The following DACH1 variants were observed in gnomAD, a reference collection of about 807,000 sequenced individuals.
The protein encoded by DACH1 is dachshund homolog 1.
DACH1 carries 12 observed loss-of-function variants against 54.2 expected under a neutral mutation model. The ratio of observed to expected loss-of-function variants is 0.22; its 90% confidence interval spans 0.14 to 0.36. DACH1 has a LOEUF of 0.36. Ranked by LOEUF, DACH1 falls within the 10% of genes least tolerant of loss-of-function variation. DACH1 has a pLI of 1.00. For synonymous variants in DACH1, 386 were observed against 366.2 expected (o/e 1.05, Z -0.62); for missense variants, 805 against 929.8 (o/e 0.87, Z 1.75).
chr13:71,477,080 T>TATATATATATATATATA (rs375310936), intron 8 of DACH1, among the ~76,000 whole-genome samples: 1 of 46,254 alleles, frequency 2.2e-5, no homozygotes, highest in African/African-American at 7.0e-5. Flanking sequence ...GTTTTTATTA[T>TATATATATATATATATA]TATATATATA....
At chr13:71,791,289 T>C (rs1886819870) in intron 1 of DACH1, among the ~76,000 whole-genome samples, 1 of 152,212 alleles carries the variant, frequency 6.6e-6, no homozygotes, top group African/African-American at 2.4e-5. Flanking sequence ...TGAAGAAATA[T>C]TATCTTCTGA....
chr13:71,857,642 A>T (rs1432487204), intron 1 of DACH1, among the ~76,000 whole-genome samples: 3 of 151,792 alleles, frequency 2.0e-5, no homozygotes, highest in African/African-American at 7.2e-5. Context: ...TGTTGCACAC[A>T]CAAGAACATT....
At chr13:71,619,953 G>A (rs1876095623) in intron 3 of DACH1, among the ~76,000 whole-genome samples, 1 of 151,860 alleles carries the variant, frequency 6.6e-6, no homozygotes, top group Non-Finnish European at 1.5e-5. Flanking sequence ...GACAGTGGCA[G>A]GTATGTGAAA....
At position 71,627,503 on chromosome 13, in the gene DACH1, T is replaced by C. The variant is rs536457385; in HGVS notation, c.1126+3053A>G. On this transcript the variant is annotated intron_variant, in intron 3 of 10. Coordinates refer to ENST00000613252, the MANE Select transcript of DACH1 (RefSeq NM_080759.6). The stretch of plus-strand genomic sequence containing the variant: ...GCACCCCTCTGAAGGGTTTCACTAC[T>C]TCAAAGAGTCAACAGTTGATAGATT... Among the ~76,000 whole-genome samples the C allele has an allele frequency of 2.6e-5, 4 of 152,174 alleles. No homozygotes were observed. In the East Asian group the frequency reaches 7.7e-4, roughly 29 times the overall value.
At chr13:71,634,840 G>T (rs1404049036) in intron 2 of DACH1, among the ~76,000 whole-genome samples, 2 of 152,128 alleles carry the variant, frequency 1.3e-5, no homozygotes, top group African/African-American at 4.8e-5. Flanking sequence ...CATCAGGTCT[G>T]GTTTGAGGCC....
In DACH1 at chr13:71,813,666, TAATA is replaced by T. The variant is rs1887804588; in HGVS notation, c.848+52252_848+52255del. 4.6e-5 allele frequency among the ~76,000 whole-genome samples: 7 copies of T among 152,316 alleles called. No homozygotes were observed. In the South Asian group the frequency reaches 1.5e-3, roughly 32 times the overall value. On this transcript the variant is annotated intron_variant, in intron 1 of 10. Transcript: ENST00000613252. ...TTGACTAGTTCTCATGCAAGTCATC[TAATA>T]AATAGACTAGTGTTCACCTAGGCGA...
chr13:71,703,696 G>A (rs1396283878), intron 1 of DACH1, among the ~76,000 whole-genome samples: 2 of 152,180 alleles, frequency 1.3e-5, no homozygotes, highest in Non-Finnish European at 2.9e-5. Flanking sequence ...CCTATGAGTA[G>A]GGTAAGGAAA....
chr13:71,779,234 TACAC>T (rs1268796734), intron 1 of DACH1, among the ~76,000 whole-genome samples: 26 of 83,642 alleles, frequency 3.1e-4, no homozygotes, highest in African/African-American at 1.5e-3. Flanking sequence ...TACGTATATA[TACAC>T]ATATATACGT....
intron 1 of DACH1, among the ~76,000 whole-genome samples, chr13:71,771,783 C>T (rs1190612299): frequency 2.7e-5 from 4 of 150,940 alleles, no homozygotes; most frequent in Non-Finnish European, 5.9e-5. Flanking sequence ...CACACACACA[C>T]ATACACACAC....
At position 71,748,946 on chromosome 13, in the gene DACH1, TTCTTTCTC is replaced by T. The variant is rs1366152230; in HGVS notation, c.849-67044_849-67037del. Among the ~76,000 whole-genome samples the T allele has an allele frequency of 4.5e-3, 259 of 57,358 alleles. 11 individuals carry two copies. The highest frequency in any genetic ancestry group is 0.011 in the African/African-American group (228 of 21,688). The allele number at this position is 57,358 out of a possible 152,430, so 37.6% of individuals were successfully genotyped here. On this transcript the variant is annotated intron_variant, in intron 1 of 10. Coordinates refer to ENST00000613252, the MANE Select transcript of DACH1 (RefSeq NM_080759.6). ...TTTCTTTCTTTCTTTCTTTCTTTCT[TTCTTTCTC>T]TCTTTCTTTCTCTCTCTCTCTTTCT...
chr13:71,684,279 C>T (rs1287080908), intron 1 of DACH1, among the ~76,000 whole-genome samples: 2 of 152,092 alleles, frequency 1.3e-5, no homozygotes, highest in East Asian at 3.9e-4. Context: ...GCAAATTTGA[C>T]CTTGCTTTCC....
rs73213380 is a variant in DACH1 at position 71,447,361 on chromosome 13, G to T, written c.2084-6669C>A. Among the ~76,000 whole-genome samples, 1,497 of 152,140 alleles carry T rather than the reference G, an allele frequency of 9.8e-3. 14 individuals carry two copies. Among genetic ancestry groups the T allele is most frequent in the Middle Eastern group, 0.034 (10 of 294 alleles). ...ATTCTATCTCAAAATTTCTAGTTTTGTATTCATGGATTAAGTTTAATGTTT... is the reference window on the plus strand; with the variant it reads ...ATTCTATCTCAAAATTTCTAGTTTTTTATTCATGGATTAAGTTTAATGTTT... On this transcript the variant is annotated intron_variant, in intron 10 of 10. Transcript: ENST00000613252.
intron 3 of DACH1, among the ~76,000 whole-genome samples, chr13:71,618,106 G>A (rs900223074): frequency 6.6e-5 from 10 of 152,028 alleles, no homozygotes; most frequent in Non-Finnish European, 1.3e-4. Flanking sequence ...GGAAGGGCAA[G>A]GAGGAAATAA....
chr13:71,475,630 C>G, intron 9 of DACH1, 76 bp downstream of exon 9: 1 of 1,484,386 alleles, frequency 6.7e-7, no homozygotes, highest in Middle Eastern at 1.8e-4. Flanking sequence ...ACATACAAAA[C>G]TACAAACACA....
chr13:71,629,095 G>T lies in DACH1; in HGVS notation c.1126+1461C>A, dbSNP rs140367967. Among the ~76,000 whole-genome samples, 49 of 152,106 alleles carry T rather than the reference G, an allele frequency of 3.2e-4. 1 individual carries two copies. The East Asian group carries it at 8.5e-3, about 26-fold the overall frequency. On this transcript the variant is annotated intron_variant, in intron 3 of 10. Coordinates refer to ENST00000613252, the MANE Select transcript of DACH1 (RefSeq NM_080759.6). The stretch of plus-strand genomic sequence containing the variant: ...CCCCATTTTCTCAGTCTAATAAAAG[G>T]CTTTTACTTTAAAGTAATAGTTCTA...
intron 10 of DACH1, among the ~76,000 whole-genome samples, chr13:71,453,381 A>G (rs1248267585): frequency 6.6e-6 from 1 of 152,168 alleles, no homozygotes; most frequent in Non-Finnish European, 1.5e-5. Flanking sequence ...ATAAGATGCT[A>G]CAGAGAAGGA....
At chr13:71,620,049 T>C (rs1876106545) in intron 3 of DACH1, among the ~76,000 whole-genome samples, 1 of 151,888 alleles carries the variant, frequency 6.6e-6, no homozygotes, top group Non-Finnish European at 1.5e-5. Flanking sequence ...CTAAAGAAAA[T>C]AATTTACAAA....
intron 2 of DACH1, among the ~76,000 whole-genome samples, chr13:71,631,436 T>C (rs1877094993): frequency 6.6e-6 from 1 of 152,164 alleles, no homozygotes; most frequent in Non-Finnish European, 1.5e-5. Flanking sequence ...TTGGGACACC[T>C]GTTTTCCTCA....
chr13:71,863,712 C>T lies in DACH1; in HGVS notation c.848+2210G>A, dbSNP rs191384267. On this transcript the variant is annotated intron_variant, in intron 1 of 10. Transcript: ENST00000613252. ...CTAGGCAAAAATTCAGGGAATAAAT[C>T]GAGTTTAACATTGATTATAACATTT... Among the ~76,000 whole-genome samples the T allele has an allele frequency of 2.0e-5, 3 of 151,792 alleles. No individual in the cohort carries two copies. In the East Asian group the frequency reaches 5.8e-4, roughly 29 times the overall value.
Sources: gnomAD v4.1 joint callset for allele counts (sites outside exome capture counted in the v4.1 genomes callset) on GRCh38, gnomAD v4.1.1 for gene constraint, MANE v1.5 for transcripts, NCBI Gene and HGNC (gene_info 2026-07-23, HGNC 2026-07-21) for gene names.